UNC79: variants seen among roughly 807,000 people sequenced by gnomAD.
The protein encoded by UNC79 is protein unc-79 homolog.
A neutral mutation model predicts 283.1 loss-of-function variants in UNC79; 37 were observed. The observed-to-expected ratio is 0.13, with a 90% CI of 0.10 to 0.17. The LOEUF is 0.17. Ranked by LOEUF, UNC79 falls within the 10% of genes least tolerant of loss-of-function variation. The pLI is 1.00. For synonymous variants in UNC79, 1,107 were observed against 1,200.2 expected, an observed-to-expected ratio of 0.92 and a Z score of 1.61; for missense variants, 2,272 against 3,211.1, an observed-to-expected ratio of 0.71 and a Z score of 7.07.
chr14:93,600,114 T>G (rs1017659808), intron 24 of UNC79, among the ~76,000 whole-genome samples: 10 of 151,828 alleles, frequency 6.6e-5, no homozygotes, highest in African/African-American at 1.7e-4. Flanking sequence ...GCAGGAGAAT[T>G]GCTTGAACCC....
intron 40 of UNC79, among the ~76,000 whole-genome samples, chr14:93,666,599 C>A (rs183474851): frequency 2.6e-5 from 4 of 152,086 alleles, no homozygotes; most frequent in Admixed American, 2.6e-4. Flanking sequence ...AATATAGCCT[C>A]CAAATATATA....
intron 1 of UNC79, among the ~76,000 whole-genome samples, chr14:93,349,522 C>G (rs768959103): frequency 3.0e-4 from 45 of 152,264 alleles, no homozygotes; most frequent in Middle Eastern, 6.8e-3. Context: ...ACCCCAGTCC[C>G]CTTCCCCACT....
intron 41 of UNC79, among the ~76,000 whole-genome samples, chr14:93,676,566 G>A (rs1174253885): frequency 6.6e-6 from 1 of 152,122 alleles, no homozygotes; most frequent in Non-Finnish European, 1.5e-5. Context: ...GCTTTCCTGC[G>A]GACAGTGAAC....
chr14:93,397,078 G>A (rs1044688766), intron 1 of UNC79: 3 of 151,904 alleles, frequency 2.0e-5, no homozygotes, highest in Admixed American at 6.6e-5. Context: ...TCCATTGTTT[G>A]TCCTGTTTTC....
chr14:93,343,346 A>G (rs1015806768), intron 1 of UNC79, among the ~76,000 whole-genome samples: 24 of 152,190 alleles, frequency 1.6e-4, no homozygotes, highest in African/African-American at 3.6e-4. Context: ...ATCATCTTCT[A>G]TTACTGTTGT....
intron 22 of UNC79, among the ~76,000 whole-genome samples, chr14:93,587,133 G>T (rs1244328061): frequency 6.6e-6 from 1 of 152,130 alleles, no homozygotes; most frequent in Non-Finnish European, 1.5e-5. Flanking sequence ...AAATAGAAAA[G>T]TTAAAGTAAA....
intron 1 of UNC79, among the ~76,000 whole-genome samples, chr14:93,349,822 G>T (rs1475245107): frequency 1.3e-5 from 2 of 152,098 alleles, no homozygotes; most frequent in African/African-American, 4.8e-5. Flanking sequence ...TTCTTACTCA[G>T]GTGAACCTGA....
At chr14:93,579,298 A>C (rs1361066274) in intron 18 of UNC79, among the ~76,000 whole-genome samples, 1 of 152,202 alleles carries the variant, frequency 6.6e-6, no homozygotes, top group East Asian at 1.9e-4. Context: ...TTTGTAACTA[A>C]TAAGTAATTT....
intron 7 of UNC79, among the ~76,000 whole-genome samples, chr14:93,498,285 A>AATG (rs1331664815): frequency 1.3e-5 from 2 of 151,222 alleles, no homozygotes; most frequent in East Asian, 1.9e-4. Flanking sequence ...TAATAATAAT[A>AATG]ATAAATAAAA....
chr14:93,663,963 A>T lies in UNC79; in HGVS notation c.6636+1249A>T, dbSNP rs141050556. 1.7e-3 allele frequency among the ~76,000 whole-genome samples: 265 copies of T among 152,248 alleles called. 1 individual carries two copies. The highest frequency in any genetic ancestry group is 5.9e-3 in the African/African-American group (245 of 41,554). Reference sequence around the variant, plus strand: ...TTACAGGGGACCTTCTAGCATTTGGATTCAAGATATTATTGGTTTTCAATT... The same window carrying T: ...TTACAGGGGACCTTCTAGCATTTGGTTTCAAGATATTATTGGTTTTCAATT... On this transcript the variant is annotated intron_variant, in intron 40 of 48. Coordinates refer to ENST00000555664, the Ensembl canonical transcript of UNC79.
At chr14:93,574,512 A>G (rs1169524614) in intron 16 of UNC79, among the ~76,000 whole-genome samples, 1 of 152,258 alleles carries the variant, frequency 6.6e-6, no homozygotes, top group Admixed American at 6.5e-5. Context: ...ATAATTAAAC[A>G]GAAGAAAAAG....
intron 7 of UNC79, among the ~76,000 whole-genome samples, chr14:93,521,625 G>T (rs750450033): frequency 1.3e-5 from 2 of 151,682 alleles, no homozygotes; most frequent in Non-Finnish European, 2.9e-5. Flanking sequence ...GTACTACTTG[G>T]AGACCAGTTT....
At chr14:93,515,793 A>G (rs1242328405) in intron 7 of UNC79, among the ~76,000 whole-genome samples, 24 of 152,170 alleles carry the variant, frequency 1.6e-4, no homozygotes, top group Admixed American at 1.6e-3. Flanking sequence ...TTTTGTCAAC[A>G]TAATGTGAAT....
At chr14:93,432,399 C>G (rs1396768245) in intron 1 of UNC79, among the ~76,000 whole-genome samples, 2 of 152,174 alleles carry the variant, frequency 1.3e-5, no homozygotes, top group Non-Finnish European at 2.9e-5. Context: ...CCTCTCTGAA[C>G]TTTATTTCCT....
chr14:93,660,062 A>C (rs537027921), intron 39 of UNC79, among the ~76,000 whole-genome samples: 1 of 152,186 alleles, frequency 6.6e-6, no homozygotes, highest in Non-Finnish European at 1.5e-5. Flanking sequence ...ACCGTGTCTC[A>C]TTCACTTTTG....
chr14:93,690,396 A>G lies in UNC79; in HGVS notation c.7272+93A>G. ...TATGTTTCTTCTGAGAAGAAAATAC[A>G]TCTTATCATTTGCCCTCCTGTGGAT... On this transcript the variant is annotated intron_variant, in intron 45 of 48. Transcript: ENST00000555664. This position sits in a 1 kb window ranked among gnomAD's most constrained non-coding sequence, Gnocchi z 4.3. 7.1e-7 allele frequency: 1 copy of G among 1,410,542 alleles called. No individual in the cohort carries two copies. The highest frequency in any genetic ancestry group is 2.2e-5 in the Admixed American group (1 of 46,246). The allele number at this position is 1,410,542 out of a possible 1,614,324, so 87.4% of individuals were successfully genotyped here.
At chr14:93,706,638 G>C in intron 48 of UNC79, 66 bp from the exon 52 acceptor site, 2 of 1,586,042 alleles carry the variant, frequency 1.3e-6, no homozygotes, top group Non-Finnish European at 1.7e-6. Context: ...GAAGCCGCCC[G>C]GGTCGACACT....
intron 30 of UNC79, among the ~76,000 whole-genome samples, chr14:93,628,264 C>T (rs1462582577): frequency 6.6e-6 from 1 of 152,212 alleles, no homozygotes; most frequent in Admixed American, 6.5e-5. Flanking sequence ...CACAATGCTA[C>T]CTAGCCACAG....
intron 33 of UNC79, among the ~76,000 whole-genome samples, chr14:93,642,132 G>A (rs185110767): frequency 1.3e-5 from 2 of 152,184 alleles, no homozygotes; most frequent in East Asian, 3.9e-4. Flanking sequence ...TCTGATAAAA[G>A]GTGAGGAAGG....
Sources: gnomAD v4.1 joint callset for allele counts (sites outside exome capture counted in the v4.1 genomes callset) on GRCh38, gnomAD v4.1.1 for gene constraint, Gnocchi (gnomAD v3.1) non-coding constraint, MANE v1.5 for transcripts, NCBI Gene and HGNC (gene_info 2026-07-23, HGNC 2026-07-21) for gene names.